Variants in MACROD1 observed in about 807,000 individuals in gnomAD.
The protein encoded by MACROD1 is mono-ADP ribosylhydrolase 1.
Under a neutral mutation model 41.4 loss-of-function variants are expected in MACROD1, and 31 were observed. That is an observed-to-expected ratio of 0.75 (90% CI 0.56 to 1.01). MACROD1 has a LOEUF of 1.01. Among genes scored for constraint, MACROD1 ranks in the 50% least tolerant of loss-of-function variants. The probability of loss-of-function intolerance (pLI) is 0.00; values close to 1 mark genes in which losing one functional copy is unlikely to be tolerated. For missense variants in MACROD1, 473 were observed against 460.0 expected (o/e 1.03, Z -0.26); for synonymous variants, 252 against 203.4 (o/e 1.24, Z -2.03).
At chr11:64,110,437 G>A (rs1180902172) in intron 3 of MACROD1, among the ~76,000 whole-genome samples, 9 of 150,332 alleles carry the variant, frequency 6.0e-5, no homozygotes, top group East Asian at 1.9e-4. Flanking sequence ...GTGACAGAGC[G>A]AGACTGTCTC....
At chr11:64,006,568 CA>C (rs1942917583) in intron 4 of MACROD1, among the ~76,000 whole-genome samples, 1 of 152,234 alleles carries the variant, frequency 6.6e-6, no homozygotes, top group East Asian at 1.9e-4. Flanking sequence ...TACACAACGG[CA>C]GTGCCTCATT....
chr11:64,047,123 C>T (rs542579610), intron 3 of MACROD1, among the ~76,000 whole-genome samples: 56 of 152,240 alleles, frequency 3.7e-4, no homozygotes, highest in African/African-American at 1.2e-3. Flanking sequence ...CACTCCCCGA[C>T]ATTGGCTGCC....
chr11:64,015,603 GT>G (rs1333581236), intron 3 of MACROD1, among the ~76,000 whole-genome samples: 1 of 152,148 alleles, frequency 6.6e-6, no homozygotes, highest in Non-Finnish European at 1.5e-5. Flanking sequence ...TTCCTTCACT[GT>G]TTCGCCCACA....
At chr11:64,043,795 C>T (rs1943533485) in intron 3 of MACROD1, among the ~76,000 whole-genome samples, 1 of 151,206 alleles carries the variant, frequency 6.6e-6, no homozygotes, top group African/African-American at 2.4e-5. Context: ...ACCAAGGTCA[C>T]GTAGCCAGGA....
intron 3 of MACROD1, among the ~76,000 whole-genome samples, chr11:64,108,087 G>A (rs754544633): frequency 6.6e-6 from 1 of 152,118 alleles, no homozygotes; most frequent in Non-Finnish European, 1.5e-5. Flanking sequence ...GCCGAGGCGG[G>A]CAGATCACCT....
At chr11:64,108,675 G>A (rs1231559782) in intron 3 of MACROD1, among the ~76,000 whole-genome samples, 2 of 152,264 alleles carry the variant, frequency 1.3e-5, no homozygotes, top group African/African-American at 4.8e-5. Flanking sequence ...CCGCTCTGGG[G>A]CTGAGAAACT....
At position 64,120,107 on chromosome 11, in the gene MACROD1, G is replaced by A. The variant is rs531330894; in HGVS notation, c.517+31132C>T. Among the ~76,000 whole-genome samples, 1 of 152,172 alleles carries A rather than the reference G, an allele frequency of 6.6e-6. No homozygotes were observed. Among genetic ancestry groups the A allele is most frequent in the Non-Finnish European group, 1.5e-5 (1 of 68,028 alleles). ...AGGCAGAAGCAGCAGCGGGGCAGGGGTTACGTTAAAAGGCCCGACCGCCAC... is the reference window on the plus strand; with the variant it reads ...AGGCAGAAGCAGCAGCGGGGCAGGGATTACGTTAAAAGGCCCGACCGCCAC... On this transcript the variant is annotated intron_variant, in intron 3 of 10. Transcript: ENST00000255681. This position sits in a 1 kb window ranked among gnomAD's most constrained non-coding sequence, Gnocchi z 4.5.
chr11:64,158,271 A>G (rs11231710), intron 1 of MACROD1, among the ~76,000 whole-genome samples: 16,769 of 152,234 alleles, frequency 0.11, 1,162 homozygotes, highest in Non-Finnish European at 0.16. Flanking sequence ...CAAGCCTACA[A>G]GAGCCCAGTG....
At position 63,999,714 on chromosome 11, in the gene MACROD1, A is replaced by C. The variant is rs709594; in HGVS notation, c.714T>G (p.Ser238Arg). Reference protein sequence around the residue: ...GPIAYGEPSASQAAELRSCYL... With the variant: ...GPIAYGEPSARQAAELRSCYL... ...AGCAGCTGCGGAGCTCGGCAGCCTG[A>C]CTGGCGCTGGGCTCCCCGTAGGCGA... Residue 238 changes from serine to arginine, a missense_variant, in exon 6 of 11, where the codon AGT (serine) becomes AGG (arginine). By Grantham distance (110) the Ser-to-Arg change is moderately radical. Coordinates refer to ENST00000255681, the MANE Select transcript of MACROD1 (RefSeq NM_014067.4). 3 of 1,607,406 alleles carry C rather than the reference A, an allele frequency of 1.9e-6. No individual in the cohort carries two copies. The highest frequency in any genetic ancestry group is 2.5e-6 in the Non-Finnish European group (3 of 1,178,754).
chr11:64,030,740 A>G (rs1037240348), intron 3 of MACROD1, among the ~76,000 whole-genome samples: 1 of 152,102 alleles, frequency 6.6e-6, no homozygotes, highest in African/African-American at 2.4e-5. Flanking sequence ...AGACAGAAGA[A>G]GGTGACCTAA....
intron 4 of MACROD1, among the ~76,000 whole-genome samples, chr11:64,011,090 GTGTT>G (rs1943009196): frequency 6.8e-6 from 1 of 147,924 alleles, no homozygotes; most frequent in African/African-American, 2.5e-5. Flanking sequence ...GTTGGCTGGG[GTGTT>G]GGTTGGCATG....
chr11:64,163,896 C>T (rs2134739604), intron 1 of MACROD1, among the ~76,000 whole-genome samples: 1 of 152,340 alleles, frequency 6.6e-6, no homozygotes, highest in African/African-American at 2.4e-5. Context: ...GGCAGAGCCC[C>T]AGACCAGCCC....
intron 3 of MACROD1, among the ~76,000 whole-genome samples, chr11:64,140,007 C>T (rs1945389291): frequency 6.6e-6 from 1 of 151,970 alleles, no homozygotes; most frequent in Admixed American, 6.6e-5. Context: ...GTGGAGGAAC[C>T]AGATCTTAGC....
chr11:64,016,555 G>A (rs1291547757), intron 3 of MACROD1, among the ~76,000 whole-genome samples: 2 of 152,244 alleles, frequency 1.3e-5, no homozygotes, highest in African/African-American at 2.4e-5. Context: ...CCAAGATGCC[G>A]TGAGGACGGC....
chr11:64,112,723 C>A (rs1217373548), intron 3 of MACROD1, among the ~76,000 whole-genome samples: 2 of 152,064 alleles, frequency 1.3e-5, no homozygotes, highest in Admixed American at 6.5e-5. Flanking sequence ...CTTGCAAGGG[C>A]CCTGGGGATA....
At chr11:64,145,767 T>C (rs4272788) in intron 3 of MACROD1, among the ~76,000 whole-genome samples, 152,293 of 152,296 alleles carry the variant, frequency 1, 76,145 homozygotes, top group Non-Finnish European at 1. Flanking sequence ...GAATGGGGAT[T>C]TTTCTTTTTT....
At chr11:64,021,958 GT>G (rs1565197701) in intron 3 of MACROD1, among the ~76,000 whole-genome samples, 2 of 98,704 alleles carry the variant, frequency 2.0e-5, no homozygotes, top group African/African-American at 3.8e-5. Flanking sequence ...GGGGTGTGAG[GT>G]GGCGGCGGGC....
At chr11:64,065,012 G>A (rs905223364) in intron 3 of MACROD1, among the ~76,000 whole-genome samples, 2 of 152,158 alleles carry the variant, frequency 1.3e-5, no homozygotes, top group Non-Finnish European at 2.9e-5. Flanking sequence ...AGCCAGAGGC[G>A]GGCAATGCTG....
At chr11:64,161,139 C>A (rs1465193478) in intron 1 of MACROD1, among the ~76,000 whole-genome samples, 1 of 152,088 alleles carries the variant, frequency 6.6e-6, no homozygotes, top group Non-Finnish European at 1.5e-5. Flanking sequence ...CCACTACACT[C>A]CAGCCTGGGC....
Sources: gnomAD v4.1 joint callset for allele counts (sites outside exome capture counted in the v4.1 genomes callset) on GRCh38, gnomAD v4.1.1 for gene constraint, Gnocchi (gnomAD v3.1) non-coding constraint, MANE v1.5 for transcripts, NCBI Gene and HGNC (gene_info 2026-07-23, HGNC 2026-07-21) for gene names.